MAGI2: variants seen among roughly 807,000 people sequenced by gnomAD.
MAGI2 encodes the protein membrane-associated guanylate kinase, WW and PDZ domain-containing protein 2.
Under a neutral mutation model 133.3 loss-of-function variants are expected in MAGI2, and 35 were observed. That is an observed-to-expected ratio of 0.26 (90% CI 0.20 to 0.35). MAGI2 has a LOEUF of 0.35. MAGI2 is among the 10% of genes least tolerant of loss of function. The probability of loss-of-function intolerance (pLI) is 1.00; values close to 1 mark genes in which losing one functional copy is unlikely to be tolerated. For synonymous variants in MAGI2, 729 were observed against 710.6 expected (o/e 1.03, Z -0.41); for missense variants, 1,636 against 1,863.4 (o/e 0.88, Z 2.25).
intron 1 of MAGI2, among the ~76,000 whole-genome samples, chr7:79,270,758 G>T (rs1834816039): frequency 6.6e-6 from 1 of 151,852 alleles, no homozygotes; most frequent in Non-Finnish European, 1.5e-5. Flanking sequence ...TTTTAACTAG[G>T]ATAAGAATAA....
chr7:78,574,335 C>T (rs1466036186), intron 3 of MAGI2, among the ~76,000 whole-genome samples: 3 of 152,208 alleles, frequency 2.0e-5, no homozygotes, highest in Admixed American at 6.5e-5. Context: ...TTCCTCCATC[C>T]CCTTTCCTGA....
At chr7:78,915,521 A>G (rs186589966) in intron 2 of MAGI2, among the ~76,000 whole-genome samples, 5 of 152,224 alleles carry the variant, frequency 3.3e-5, no homozygotes, top group Admixed American at 3.3e-4. Context: ...CCCTTTACAA[A>G]ATAAAATTTT....
intron 1 of MAGI2, among the ~76,000 whole-genome samples, chr7:79,098,316 C>T (rs1184506626): frequency 6.6e-6 from 1 of 152,138 alleles, no homozygotes; most frequent in African/African-American, 2.4e-5. Flanking sequence ...AACTGCTCCT[C>T]TCACATGGGA....
rs1789663693 is a variant in MAGI2 at position 78,335,476 on chromosome 7, A to G, written c.1408+8302T>C. On this transcript the variant is annotated intron_variant, in intron 9 of 21. Transcript: ENST00000354212. ...CTCTGCCACCAACGTTGGACCCCCA[A>G]GTATCTTTATAGGATTTCACTCTTA... 4.6e-5 allele frequency among the ~76,000 whole-genome samples: 7 copies of G among 152,350 alleles called. No individual in the cohort carries two copies. The South Asian group carries it at 1.2e-3, about 27-fold the overall frequency.
chr7:78,554,510 C>T (rs1199393492), intron 3 of MAGI2: 1 of 152,204 alleles, frequency 6.6e-6, no homozygotes, highest in East Asian at 1.9e-4. Context: ...GACACATTAC[C>T]CCAAAATATA....
chr7:79,174,310 T>C (rs1825889605), intron 1 of MAGI2, among the ~76,000 whole-genome samples: 2 of 152,078 alleles, frequency 1.3e-5, no homozygotes, highest in South Asian at 2.1e-4. Context: ...TTTTTTAAGA[T>C]TACTATAATA....
At chr7:79,293,127 G>C in intron 1 of MAGI2, among the ~76,000 whole-genome samples, 1 of 152,120 alleles carries the variant, frequency 6.6e-6, no homozygotes. Flanking sequence ...AACAGAGCAT[G>C]TTTATTCCTA....
intron 2 of MAGI2, among the ~76,000 whole-genome samples, chr7:78,984,685 C>A (rs749766257): frequency 2.0e-5 from 3 of 151,938 alleles, no homozygotes; most frequent in South Asian, 2.1e-4. Flanking sequence ...TGCACACACG[C>A]CCTTCATCCA....
intron 6 of MAGI2, among the ~76,000 whole-genome samples, chr7:78,431,819 G>C (rs1043884832): frequency 6.6e-6 from 1 of 151,772 alleles, no homozygotes; most frequent in Non-Finnish European, 1.5e-5. Flanking sequence ...AAGGTGTCTC[G>C]TAAATAATAC....
At chr7:78,209,135 TGG>T (rs1787454406) in intron 10 of MAGI2, among the ~76,000 whole-genome samples, 1 of 79,280 alleles carries the variant, frequency 1.3e-5, no homozygotes, top group Admixed American at 1.9e-4. Context: ...GGCAGGAGAA[TGG>T]CGTGAACCCG....
intron 6 of MAGI2, among the ~76,000 whole-genome samples, chr7:78,488,463 G>A (rs2150486265): frequency 6.6e-6 from 1 of 152,036 alleles, no homozygotes; most frequent in Non-Finnish European, 1.5e-5. Flanking sequence ...GATATATTAA[G>A]GTTTTACAAC....
intron 1 of MAGI2, among the ~76,000 whole-genome samples, chr7:79,286,121 G>A (rs1160708047): frequency 6.6e-6 from 1 of 152,042 alleles, no homozygotes; most frequent in African/African-American, 2.4e-5. Flanking sequence ...AGAAGGAAAT[G>A]ACACTTAATC....
chr7:78,740,491 G>C (rs925920010), intron 2 of MAGI2, among the ~76,000 whole-genome samples: 1 of 152,104 alleles, frequency 6.6e-6, no homozygotes, highest in Admixed American at 6.6e-5. Context: ...ATCTTCCTTC[G>C]TATACAGAAG....
At chr7:78,602,252 C>T (rs1001734063) in intron 3 of MAGI2, among the ~76,000 whole-genome samples, 5 of 152,046 alleles carry the variant, frequency 3.3e-5, no homozygotes, top group Non-Finnish European at 5.9e-5. Flanking sequence ...AGCTGCCTCC[C>T]GGGTTCAAGC....
chr7:79,193,297 A>G (rs140150709), intron 1 of MAGI2, among the ~76,000 whole-genome samples: 1 of 152,152 alleles, frequency 6.6e-6, no homozygotes, highest in East Asian at 1.9e-4. Flanking sequence ...GGAAAGGGAA[A>G]GATAGGGCAA....
chr7:79,208,726 A>C (rs1313492091), intron 1 of MAGI2, among the ~76,000 whole-genome samples: 1 of 152,032 alleles, frequency 6.6e-6, no homozygotes, highest in Non-Finnish European at 1.5e-5. Context: ...AGATCGCTGC[A>C]CTTCCATGTT....
At chr7:78,027,627 CAAA>C (rs753787460) in intron 21 of MAGI2, among the ~76,000 whole-genome samples, 976 of 84,374 alleles carry the variant, frequency 0.012, 3 homozygotes, top group Middle Eastern at 0.052. Context: ...GACTCCATCT[CAAA>C]AAAAAAAAAA....
At chr7:79,153,384 G>C (rs1585058614) in intron 1 of MAGI2, among the ~76,000 whole-genome samples, 1 of 152,110 alleles carries the variant, frequency 6.6e-6, no homozygotes, top group Non-Finnish European at 1.5e-5. Context: ...GCAGGGTGCA[G>C]GCAATAATAA....
At position 78,253,093 on chromosome 7, in the gene MAGI2, C is replaced by T. The variant is rs79907208; in HGVS notation, c.2047+2850G>A. The T allele has an allele frequency of 2.1e-3, 323 of 152,074 alleles. 1 individual carries two copies. The highest frequency in any genetic ancestry group is 7.5e-3 in the African/African-American group (311 of 41,496). The allele number at this position is 152,074 out of a possible 1,614,324, so 9.4% of individuals were successfully genotyped here. A position where few individuals can be genotyped will look rare whatever the true frequency, so the allele number is the denominator to read the frequency against. On this transcript the variant is annotated intron_variant, in intron 10 of 21. Transcript: ENST00000354212. ...GGTATCTACCCAAGAAAAATGAAAA[C>T]ATAAGCAACACAAACATGTGTATCC... is the stretch of plus-strand genomic sequence containing the variant.
Sources: gnomAD v4.1 joint callset for allele counts (sites outside exome capture counted in the v4.1 genomes callset) on GRCh38, gnomAD v4.1.1 for gene constraint, MANE v1.5 for transcripts, NCBI Gene and HGNC (gene_info 2026-07-23, HGNC 2026-07-21) for gene names.